AACS: variants seen among roughly 807,000 people sequenced by gnomAD.
AACS encodes acetoacetyl-CoA synthetase, also known as acetoacetate-CoA ligase.
In AACS, 69 loss-of-function variants were observed where a neutral mutation model predicts 83.1. The observed-to-expected ratio is 0.83, with a 90% CI of 0.68 to 1.01. The LOEUF is 1.01. Ranked by LOEUF, AACS falls within the 50% of genes least tolerant of loss-of-function variation. AACS has a pLI of 0.00. For synonymous variants in AACS, 333 were observed against 343.4 expected (o/e 0.97, Z 0.33); for missense variants, 866 against 882.2 (o/e 0.98, Z 0.23).
At position 125,136,754 on chromosome 12, in the gene AACS, T is replaced by C; in HGVS notation, c.1771T>C (p.Ser591Pro). ...ERVILFLKMASGHAFQPDLVK... is the reference protein window; with the variant it reads ...ERVILFLKMAPGHAFQPDLVK... ...GGTGATCCTCTTCCTGAAGATGGCCTCCGGGCACGCCTTCCAGCCTGACTT... is the reference window on the plus strand; with the variant it reads ...GGTGATCCTCTTCCTGAAGATGGCCCCCGGGCACGCCTTCCAGCCTGACTT... Residue 591 changes from serine (S) to proline (P), a missense_variant, in exon 17 of 18, where the codon TCC (serine) becomes CCC (proline). Coordinates refer to ENST00000316519, the MANE Select transcript of AACS (RefSeq NM_023928.5). 1 of 1,614,112 alleles carries C rather than the reference T, an allele frequency of 6.2e-7. No homozygotes were observed. Among genetic ancestry groups the C allele is most frequent in the Non-Finnish European group, 8.5e-7 (1 of 1,180,032 alleles).
In AACS at chr12:125,093,749, T is replaced by C. The variant is rs556125222; in HGVS notation, c.570+2226T>C. On this transcript the variant is annotated intron_variant, in intron 5 of 17. Coordinates refer to ENST00000316519, the MANE Select transcript of AACS (RefSeq NM_023928.5). ...AGGGCCACCTGCCCTCCTGCTGAGATGCTTCTCTCTGTCGCTCATTTTGCT... is the reference window on the plus strand; with the variant it reads ...AGGGCCACCTGCCCTCCTGCTGAGACGCTTCTCTCTGTCGCTCATTTTGCT... Among the ~76,000 whole-genome samples, 3 of 152,338 alleles carry C rather than the reference T, an allele frequency of 2.0e-5. No homozygotes were observed. The East Asian group carries it at 5.8e-4, about 29-fold the overall frequency.
chr12:125,068,319 T>C (rs7967801), intron 1 of AACS, among the ~76,000 whole-genome samples: 116,387 of 152,104 alleles, frequency 0.77, 44,728 homozygotes, highest in South Asian at 0.84. Context: ...ATTATCTGGG[T>C]GTGGTGGCAT....
At chr12:125,065,864 C>A in intron 1 of AACS, 147 bp downstream of exon 1, 2 of 1,269,194 alleles carry the variant, frequency 1.6e-6, no homozygotes, top group African/African-American at 3.2e-5. Flanking sequence ...CGGGGTTCCC[C>A]CCAGTCTTGG....
intron 8 of AACS, among the ~76,000 whole-genome samples, chr12:125,112,890 C>G (rs1435046764): frequency 2.6e-5 from 4 of 152,170 alleles, no homozygotes; most frequent in Non-Finnish European, 5.9e-5. Flanking sequence ...TCGCATGAGA[C>G]TTATTTGCTA....
At chr12:125,075,611 T>G (rs1463853433) in intron 2 of AACS, among the ~76,000 whole-genome samples, 1 of 135,944 alleles carries the variant, frequency 7.4e-6, no homozygotes, top group Non-Finnish European at 1.6e-5. Context: ...TTTTTTTTTT[T>G]GAGATGGAGT....
At chr12:125,076,743 T>G (rs1956035340) in intron 3 of AACS, 132 bp downstream of exon 3, 1 of 1,407,414 alleles carries the variant, frequency 7.1e-7, no homozygotes, top group African/African-American at 1.4e-5. Flanking sequence ...AATTAAGATT[T>G]CTGTCGACTT....
Position 125,068,560 on chromosome 12 carries a change from A to G in AACS, c.133+2843A>G, listed in dbSNP as rs569454788. On this transcript the variant is annotated intron_variant, in intron 1 of 17. Coordinates refer to ENST00000316519, the MANE Select transcript of AACS (RefSeq NM_023928.5). ...GGGTCTGCATTCCCAACGTGGCAGC[A>G]TTGTCCGGAGCTGAGTGAGGCCCCT... 2.0e-5 allele frequency among the ~76,000 whole-genome samples: 3 copies of G among 152,280 alleles called. No homozygotes were observed. The South Asian group carries it at 6.2e-4, about 32-fold the overall frequency.
At chr12:125,071,725 C>A (rs78490485) in intron 1 of AACS, among the ~76,000 whole-genome samples, 1 of 152,122 alleles carries the variant, frequency 6.6e-6, no homozygotes, top group Non-Finnish European at 1.5e-5. Context: ...TGAAGTCGGC[C>A]GCTTTTGCTG....
rs2136081023 is a variant in AACS, at chr12:125,094,957, C to T, written c.570+3434C>T. 6.6e-6 allele frequency among the ~76,000 whole-genome samples: 1 copy of T among 151,750 alleles called. No individual in the cohort carries two copies. Among genetic ancestry groups the T allele is most frequent in the African/African-American group, 2.4e-5 (1 of 41,286 alleles). On this transcript the variant is annotated intron_variant, in intron 5 of 17. Coordinates refer to ENST00000316519, the MANE Select transcript of AACS (RefSeq NM_023928.5). The surrounding 1 kb of genome is among the most constrained non-coding windows in gnomAD (Gnocchi z 4.1). ...GCCTGTAGCCTGCAGGCCTTGTCCT[C>T]CTGAAGTGCCATCAGGTGGCCGTGT...
chr12:125,139,219 T>G (rs534773148), intron 17 of AACS: 1 of 152,342 alleles, frequency 6.6e-6, no homozygotes, highest in African/African-American at 2.4e-5. Context: ...TGAGTAAGAC[T>G]CATCCCATCT....
intron 3 of AACS, among the ~76,000 whole-genome samples, chr12:125,079,928 C>T (rs957527597): frequency 2.0e-5 from 3 of 152,186 alleles, no homozygotes; most frequent in Admixed American, 6.5e-5. Context: ...CTGTTCTGGA[C>T]ATTTTGTATA....
chr12:125,093,811 G>A (rs1956543989), intron 5 of AACS, among the ~76,000 whole-genome samples: 5 of 152,224 alleles, frequency 3.3e-5, no homozygotes, highest in Admixed American at 3.3e-4. Context: ...GCCGGAGACG[G>A]GGGTGTGTGT....
chr12:125,065,464 T>TGACCCA lies in AACS; in HGVS notation c.-119_-114dup. The TGACCCA allele has an allele frequency of 8.8e-7, 1 of 1,130,518 alleles. No homozygotes were observed. The highest frequency in any genetic ancestry group is 1.2e-6 in the Non-Finnish European group (1 of 861,754). The allele number at this position is 1,130,518 out of a possible 1,614,324, so 70.0% of individuals were successfully genotyped here. On this transcript the variant is annotated 5_prime_UTR_variant, in exon 1 of 18. Transcript: ENST00000316519. ...CCTTGTTCCCCGCCGCCGCCGTCGC[T>TGACCCA]GACCCAGCCCGCCAGGCGCTCCTGA...
intron 3 of AACS, among the ~76,000 whole-genome samples, chr12:125,085,892 G>T (rs7306622): frequency 6.6e-6 from 1 of 152,060 alleles, no homozygotes; most frequent in Non-Finnish European, 1.5e-5. Context: ...CATGGCTCAC[G>T]TGATCCTTTG....
intron 2 of AACS, among the ~76,000 whole-genome samples, chr12:125,075,267 C>G (rs1395746068): frequency 6.6e-6 from 1 of 151,838 alleles, no homozygotes; most frequent in African/African-American, 2.4e-5. Context: ...GCCACCGTGC[C>G]CGGCATTAGT....
chr12:125,140,313 T>A lies in AACS; in HGVS notation c.1882-1779T>A, dbSNP rs746887747. On this transcript the variant is annotated intron_variant, in intron 17 of 17. Transcript: ENST00000316519. This position sits in a 1 kb window ranked among gnomAD's most constrained non-coding sequence, Gnocchi z 5.1. ...CTTCTTCCTTTCTCTTTCCCTTTCC[T>A]CTACCTTTTCCCCTCTCCCCAGAGG... is the stretch of plus-strand genomic sequence containing the variant. 1 of 152,250 alleles carries A rather than the reference T, an allele frequency of 6.6e-6. No homozygotes were observed. Among genetic ancestry groups the A allele is most frequent in the Non-Finnish European group, 1.5e-5 (1 of 68,100 alleles). The allele number at this position is 152,250 out of a possible 1,614,324, so 9.4% of individuals were successfully genotyped here.
chr12:125,108,710 C>G (rs1956885830), intron 8 of AACS, among the ~76,000 whole-genome samples: 1 of 151,896 alleles, frequency 6.6e-6, no homozygotes, highest in South Asian at 2.1e-4. Flanking sequence ...ATCTGTCGCC[C>G]AGACTGGAGT....
rs1210753232 is a variant in AACS at position 125,129,126 on chromosome 12, G to A, written c.1424-209G>A. ...AACAAATCACTACGTCCGAGACAGC[G>A]ATTTTGGGGAGCACACAGGGAGGGG... On this transcript the variant is annotated intron_variant, in intron 13 of 17. Transcript: ENST00000316519. The surrounding 1 kb of genome is among the most constrained non-coding windows in gnomAD (Gnocchi z 4.3). 2.7e-5 allele frequency: 15 copies of A among 550,932 alleles called. No homozygotes were observed. Among genetic ancestry groups the A allele is most frequent in the South Asian group, 1.2e-4 (4 of 33,624 alleles). The allele number at this position is 550,932 out of a possible 1,614,324, so 34.1% of individuals were successfully genotyped here.
intron 1 of AACS, among the ~76,000 whole-genome samples, chr12:125,067,385 T>A (rs1411295970): frequency 1.3e-5 from 2 of 152,232 alleles, no homozygotes; most frequent in Non-Finnish European, 2.9e-5. Flanking sequence ...TGATTCCATC[T>A]GTTTCCTCTG....
Sources: gnomAD v4.1 joint callset for allele counts (sites outside exome capture counted in the v4.1 genomes callset) on GRCh38, gnomAD v4.1.1 for gene constraint, Gnocchi (gnomAD v3.1) non-coding constraint, MANE v1.5 for transcripts, NCBI Gene and HGNC (gene_info 2026-07-23, HGNC 2026-07-21) for gene names.